The following FAM120B variants were observed in gnomAD, a reference collection of about 807,000 sequenced individuals.
FAM120B encodes family with sequence similarity 120 member B, also known as constitutive coactivator of peroxisome proliferator-activated receptor gamma.
Under a neutral mutation model 96.3 loss-of-function variants are expected in FAM120B, and 83 were observed. That is an observed-to-expected ratio of 0.86 (90% confidence interval 0.72 to 1.03). The LOEUF is 1.03. Ranked by LOEUF, FAM120B falls within the 50% of genes least tolerant of loss-of-function variation. The pLI is 0.00. For synonymous variants in FAM120B, 407 were observed against 402.7 expected (o/e 1.01, Z -0.13); for missense variants, 1,027 against 1,121.2 (o/e 0.92, Z 1.20).
At chr6:170,364,440 GC>G in intron 6 of FAM120B, among the ~76,000 whole-genome samples, 1 of 152,110 alleles carries the variant, frequency 6.6e-6, no homozygotes, top group Non-Finnish European at 1.5e-5. Context: ...CTAGACTAAT[GC>G]CCCTTTGAGG....
Position 170,318,021 on chromosome 6 carries a change from C to G in FAM120B, c.631C>G (p.Leu211Val). Residue 211 changes from leucine to valine, a missense_variant, in exon 2 of 11, where the codon CTC becomes GTC. Physicochemically the swap from Leu to Val is conservative, Grantham distance 32. Around this residue, in one of 3 missense-constraint regions of FAM120B, gnomAD observed 880 missense variants for 980.9 expected, o/e 0.90. Transcript: ENST00000476287. The stretch of plus-strand genomic sequence containing the variant: ...CACCGTCATGCTCTGCAGAGAGAAG[C>G]TCTGTGAGAGTCTGGGCCTCTGTGT... ...LDTVMLCREK[L>V]CESLGLCVAD... 2 of 1,613,980 alleles carry G rather than the reference C, an allele frequency of 1.2e-6. No individual in the cohort carries two copies. Among genetic ancestry groups the G allele is most frequent in the Non-Finnish European group, 8.5e-7 (1 of 1,179,922 alleles).
In FAM120B at chr6:170,330,433, A is replaced by C. The variant is rs1300907347; in HGVS notation, c.1916-16A>C. 4.4e-6 allele frequency: 7 copies of C among 1,608,540 alleles called. No homozygotes were observed. The highest frequency in any genetic ancestry group is 1.7e-5 in the Admixed American group (1 of 59,952). Reference sequence around the variant, plus strand: ...CATGCCCTCATGCATCTACTGACCCAACTCTTTTTCTTCAGATGTCACCAG... The same window carrying C: ...CATGCCCTCATGCATCTACTGACCCCACTCTTTTTCTTCAGATGTCACCAG... On this transcript the variant is annotated splice_polypyrimidine_tract_variant and intron_variant, in intron 3 of 10. Coordinates refer to ENST00000476287, the MANE Select transcript of FAM120B (RefSeq NM_032448.3).
chr6:170,352,998 G>T (rs1191193383), intron 5 of FAM120B, among the ~76,000 whole-genome samples: 1 of 151,826 alleles, frequency 6.6e-6, no homozygotes, highest in Non-Finnish European at 1.5e-5. Flanking sequence ...TAATAAAGAA[G>T]AGAGAAGAAT....
intron 3 of FAM120B, among the ~76,000 whole-genome samples, chr6:170,325,851 CAAAA>C (rs35486860): frequency 1.7e-5 from 2 of 119,484 alleles, no homozygotes; most frequent in Non-Finnish European, 1.7e-5. Flanking sequence ...GACTTCATCT[CAAAA>C]AAAAAAAAAA....
chr6:170,374,184 C>T (rs930059101), intron 6 of FAM120B, among the ~76,000 whole-genome samples: 6 of 152,222 alleles, frequency 3.9e-5, no homozygotes, highest in Admixed American at 1.3e-4. Context: ...GGCAAGAGCA[C>T]GTCTCAGGTT....
chr6:170,356,037 C>T (rs897978643), intron 5 of FAM120B, among the ~76,000 whole-genome samples: 14 of 152,150 alleles, frequency 9.2e-5, no homozygotes, highest in African/African-American at 3.1e-4. Context: ...TGTGTGGTCA[C>T]GCAGCGCAGT....
At chr6:170,390,102 G>C (rs982942829) in intron 7 of FAM120B, among the ~76,000 whole-genome samples, 2 of 152,188 alleles carry the variant, frequency 1.3e-5, no homozygotes, top group African/African-American at 4.8e-5. Context: ...ATACCCGCAG[G>C]GATGAGAAAA....
intron 9 of FAM120B, among the ~76,000 whole-genome samples, chr6:170,400,376 G>T (rs1217268750): frequency 1.3e-5 from 2 of 152,162 alleles, no homozygotes; most frequent in Admixed American, 1.3e-4. Context: ...AAGGCAGGTG[G>T]AGTGGGACCT....
intron 6 of FAM120B, among the ~76,000 whole-genome samples, chr6:170,361,214 A>ATATATATATATACACG (rs1554286412): frequency 1.0e-5 from 1 of 100,094 alleles, no homozygotes; most frequent in Non-Finnish European, 1.9e-5. Context: ...ATATATATAT[A>ATATATATATATACACG]TATATATATA....
chr6:170,333,662 T>C lies in FAM120B; in HGVS notation c.2017+3112T>C, dbSNP rs145570646. On this transcript the variant is annotated intron_variant, in intron 4 of 10. Coordinates refer to ENST00000476287, the MANE Select transcript of FAM120B (RefSeq NM_032448.3). The stretch of plus-strand genomic sequence containing the variant: ...CACCACACCCAACTAATTTTTGTAT[T>C]TTTAGTAGAGTCTGGGTTTCGCCTT... 3.1e-4 allele frequency among the ~76,000 whole-genome samples: 47 copies of C among 152,134 alleles called. No homozygotes were observed. In the East Asian group the frequency reaches 7.2e-3, roughly 23 times the overall value.
At chr6:170,402,474 G>A (rs1221912365) in intron 9 of FAM120B, among the ~76,000 whole-genome samples, 2 of 152,220 alleles carry the variant, frequency 1.3e-5, no homozygotes, top group African/African-American at 4.8e-5. Context: ...AAAGGAGCAC[G>A]GAGGAGATGT....
rs1203344771 is a variant in FAM120B, at chr6:170,317,815, G to A, written c.425G>A (p.Arg142Gln). The change falls in exon 2 of 11, where the codon CGA becomes CAA. Residue 142 changes from arginine to glutamine, a missense_variant. Physicochemically the swap from Arg to Gln is conservative, Grantham distance 43. Around this residue, in one of 3 missense-constraint regions of FAM120B, gnomAD observed 880 missense variants for 980.9 expected, o/e 0.90. Transcript: ENST00000476287. ...CCCTCAGGGCTAGCTGTGTTTACAC[G>A]ATTTGCTCTAAAGACACTGGGCCAG... is the stretch of plus-strand genomic sequence containing the variant. The part of the protein sequence containing the change: ...FIPSGLAVFT[R>Q]FALKTLGQET... 5 of 1,614,092 alleles carry A rather than the reference G, an allele frequency of 3.1e-6. No individual in the cohort carries two copies. In the African/African-American group the frequency reaches 4.0e-5, roughly 13 times the overall value.
intron 4 of FAM120B, among the ~76,000 whole-genome samples, chr6:170,338,286 T>A (rs1043916860): frequency 6.6e-6 from 1 of 152,210 alleles, no homozygotes; most frequent in Non-Finnish European, 1.5e-5. Context: ...ATTTTGTTAT[T>A]TACCCAGTAG....
chr6:170,368,580 A>C (rs962394755), intron 6 of FAM120B, among the ~76,000 whole-genome samples: 1 of 152,206 alleles, frequency 6.6e-6, no homozygotes, highest in African/African-American at 2.4e-5. Context: ...AAATGTTTTT[A>C]CTTCCCTACA....
At chr6:170,314,094 C>G (rs1162528161) in intron 1 of FAM120B, among the ~76,000 whole-genome samples, 1 of 152,212 alleles carries the variant, frequency 6.6e-6, no homozygotes, top group Non-Finnish European at 1.5e-5. Flanking sequence ...TTTCCATTTC[C>G]CTATTTACTG....
chr6:170,294,190 C>G (rs927010369), upstream of FAM120B, among the ~76,000 whole-genome samples: 2 of 152,146 alleles, frequency 1.3e-5, no homozygotes, highest in Non-Finnish European at 2.9e-5. The surrounding 1 kb of genome is among the most constrained non-coding windows in gnomAD (Gnocchi z 7.9). Context: ...CCCCGGCTGC[C>G]GGAGTCCCTC....
Position 170,367,387 on chromosome 6 carries a change from A to C in FAM120B, c.2283+9069A>C, listed in dbSNP as rs577244877. 1.3e-3 allele frequency among the ~76,000 whole-genome samples: 193 copies of C among 152,378 alleles called. 1 individual carries two copies. Among genetic ancestry groups the C allele is most frequent in the African/African-American group, 4.4e-3 (185 of 41,588 alleles). On this transcript the variant is annotated intron_variant, in intron 6 of 10. Transcript: ENST00000476287. Reference sequence around the variant, plus strand: ...ATTCCATGATGTGAAAATTACATGAAACGCAAATTTCTATGTCCGAAATGG... The same window carrying C: ...ATTCCATGATGTGAAAATTACATGACACGCAAATTTCTATGTCCGAAATGG...
In FAM120B at chr6:170,395,484, C is replaced by T. The variant is rs960645147; in HGVS notation, c.2600-3C>T. 6.3e-7 allele frequency: 1 copy of T among 1,585,992 alleles called. No homozygotes were observed. Among genetic ancestry groups the T allele is most frequent in the Admixed American group, 1.8e-5 (1 of 56,564 alleles). On this transcript the variant is annotated splice_region_variant and splice_polypyrimidine_tract_variant and intron_variant, in intron 8 of 10. Transcript: ENST00000476287. Reference sequence around the variant, plus strand: ...CTAATCTTCTGACTATGTGTTCCCACAGGGAGGTGGGGAAGACAGGGCTCC... The same window carrying T: ...CTAATCTTCTGACTATGTGTTCCCATAGGGAGGTGGGGAAGACAGGGCTCC...
intron 6 of FAM120B, among the ~76,000 whole-genome samples, chr6:170,369,367 C>T (rs1789027883): frequency 6.6e-6 from 1 of 152,208 alleles, no homozygotes; most frequent in African/African-American, 2.4e-5. Context: ...GCCTCCTGGA[C>T]TTGGCAGCAG....
Sources: allele counts gnomAD v4.1 joint callset (sites outside exome capture counted in the v4.1 genomes callset), GRCh38; gene constraint gnomAD v4.1.1; regional missense constraint gnomAD v4.1.1; non-coding constraint Gnocchi (gnomAD v3.1); transcripts MANE v1.5; gene names NCBI Gene and HGNC (gene_info 2026-07-23, HGNC 2026-07-21).